The following HIRA variants were observed in gnomAD, a reference collection of about 807,000 sequenced individuals.
HIRA encodes protein HIRA.
HIRA carries 13 observed loss-of-function variants against 126.6 expected under a neutral mutation model. The observed-to-expected ratio is 0.10, with a 90% CI of 0.07 to 0.16. The LOEUF (loss-of-function observed/expected upper bound fraction) is 0.16, where lower values mean the gene tolerates loss of function less well. HIRA is among the 10% of genes least tolerant of loss of function. The pLI, the probability that HIRA is intolerant of heterozygous loss-of-function variation, is 1.00. For synonymous variants in HIRA, 511 were observed against 520.0 expected, an observed-to-expected ratio of 0.98 and a Z score of 0.24; for missense variants, 834 against 1,314.4, an observed-to-expected ratio of 0.63 and a Z score of 5.65.
intron 1 of HIRA, among the ~76,000 whole-genome samples, chr22:19,411,138 G>A (rs1336922617): frequency 3.9e-5 from 6 of 152,224 alleles, no homozygotes; most frequent in Non-Finnish European, 8.8e-5. Context: ...ACTGCTATTT[G>A]TCTTTTCTGG....
At chr22:19,354,540 C>A (rs1475534740) in intron 21 of HIRA, among the ~76,000 whole-genome samples, 2 of 152,254 alleles carry the variant, frequency 1.3e-5, no homozygotes, top group African/African-American at 4.8e-5. Context: ...ATTTCTACAA[C>A]TATCCCAGAC....
intron 13 of HIRA, among the ~76,000 whole-genome samples, chr22:19,378,949 A>G (rs973241995): frequency 3.3e-5 from 5 of 152,230 alleles, no homozygotes; most frequent in African/African-American, 1.2e-4. Context: ...TAACACTTTT[A>G]TCAAATTTCT....
intron 19 of HIRA, 110 bp from the exon 20 acceptor site, chr22:19,356,398 C>A (rs1238919181): frequency 3.4e-6 from 3 of 882,822 alleles, no homozygotes; most frequent in Non-Finnish European, 5.6e-6. Flanking sequence ...TAACCCTGGC[C>A]TCTCCTAGTG....
intron 24 of HIRA, among the ~76,000 whole-genome samples, chr22:19,335,960 G>A (rs1381720536): frequency 1.3e-5 from 2 of 152,106 alleles, no homozygotes; most frequent in Non-Finnish European, 2.9e-5. Flanking sequence ...CTTTCTCATC[G>A]TTTGTCCAGG....
At chr22:19,354,531 T>C (rs2146190803) in intron 21 of HIRA, among the ~76,000 whole-genome samples, 1 of 152,342 alleles carries the variant, frequency 6.6e-6, no homozygotes, top group African/African-American at 2.4e-5. Flanking sequence ...CCTGCCTGTA[T>C]TTCTACAACT....
chr22:19,334,058 T>C (rs552365113), intron 24 of HIRA, among the ~76,000 whole-genome samples: 90 of 151,748 alleles, frequency 5.9e-4, no homozygotes, highest in Admixed American at 3.6e-3. Flanking sequence ...CACTGCAAGC[T>C]CCGCCTCCTG....
At chr22:19,334,100 G>C (rs1163822785) in intron 24 of HIRA, among the ~76,000 whole-genome samples, 1 of 151,264 alleles carries the variant, frequency 6.6e-6, no homozygotes, top group Admixed American at 6.6e-5. Context: ...TCAGCCTCCC[G>C]AGTAGCTGGG....
rs946502713 is a variant in HIRA at position 19,387,644 on chromosome 22, G to A, written c.1113+67C>T. ...CTCACAAGAAGAGGGTGTAGTCAAAGGGGTCTCTCAGAGCTATTGTGGCAA... is the reference window on the plus strand; with the variant it reads ...CTCACAAGAAGAGGGTGTAGTCAAAAGGGTCTCTCAGAGCTATTGTGGCAA... On this transcript the variant is annotated intron_variant, in intron 11 of 24. Transcript: ENST00000263208. 4 of 1,141,202 alleles carry A rather than the reference G, an allele frequency of 3.5e-6. No homozygotes were observed. The Admixed American group carries it at 5.5e-5, about 16-fold the overall frequency. The allele number at this position is 1,141,202 out of a possible 1,614,324, so 70.7% of individuals were successfully genotyped here.
rs1212577470 is a variant in HIRA at position 19,418,353 on chromosome 22, G to A, written c.38-7575C>T. Among the ~76,000 whole-genome samples the A allele has an allele frequency of 3.3e-5, 5 of 152,046 alleles. No homozygotes were observed. In the East Asian group the frequency reaches 7.7e-4, roughly 23 times the overall value. On this transcript the variant is annotated intron_variant, in intron 1 of 24. Coordinates refer to ENST00000263208, the MANE Select transcript of HIRA (RefSeq NM_003325.4). The stretch of plus-strand genomic sequence containing the variant: ...ATTATAAAAATTGTTGGCGGGGTGC[G>A]GTGGCTCACACCTGTAATCCCAACA...
At chr22:19,387,902 G>T in intron 10 of HIRA, 86 bp from the exon 11 acceptor site, 1 of 895,636 alleles carries the variant, frequency 1.1e-6, no homozygotes. Flanking sequence ...AGGATGGTGG[G>T]CAGTGTTCTA....
At chr22:19,353,697 G>A (rs1009925233) in intron 22 of HIRA, among the ~76,000 whole-genome samples, 178 bp from the exon 23 acceptor site, 3 of 152,184 alleles carry the variant, frequency 2.0e-5, no homozygotes, top group Non-Finnish European at 2.9e-5. Context: ...CCATCCCCAC[G>A]CCCCAGCCAT....
intron 8 of HIRA, among the ~76,000 whole-genome samples, chr22:19,393,048 G>T (rs983567365): frequency 1.3e-5 from 2 of 152,152 alleles, no homozygotes; most frequent in African/African-American, 4.8e-5. Flanking sequence ...GACTGGAGAA[G>T]ATGGAACTCA....
intron 1 of HIRA, among the ~76,000 whole-genome samples, chr22:19,424,993 A>G (rs1055421445): frequency 6.6e-6 from 1 of 152,158 alleles, no homozygotes; most frequent in Non-Finnish European, 1.5e-5. Context: ...TAGCCTGTCA[A>G]GCATCTCCTC....
At chr22:19,385,824 C>T in intron 11 of HIRA, 88 bp from the exon 12 acceptor site, 1 of 1,287,658 alleles carries the variant, frequency 7.8e-7, no homozygotes, top group South Asian at 1.3e-5. Context: ...CAGCAGGGCT[C>T]TCCTGGCTCT....
At position 19,351,585 on chromosome 22, in the gene HIRA, C is replaced by A; in HGVS notation, c.2849-139G>T. ...AAACACATGCGTATTTTATTGCCTA[C>A]TATGGGCAAGACGCCCCTGCATGTC... is the stretch of plus-strand genomic sequence containing the variant. On this transcript the variant is annotated intron_variant, in intron 23 of 24. Coordinates refer to ENST00000263208, the MANE Select transcript of HIRA (RefSeq NM_003325.4). The surrounding 1 kb of genome is among the most constrained non-coding windows in gnomAD (Gnocchi z 4.8). 2 of 687,298 alleles carry A rather than the reference C, an allele frequency of 2.9e-6. No individual in the cohort carries two copies. The highest frequency in any genetic ancestry group is 5.4e-5 in the Admixed American group (2 of 37,340). 42.6% of individuals were successfully genotyped at this position (687,298 alleles called of 1,614,324 possible).
intron 8 of HIRA, among the ~76,000 whole-genome samples, chr22:19,393,025 C>CG (rs2089194872): frequency 6.6e-6 from 1 of 152,044 alleles, no homozygotes; most frequent in Non-Finnish European, 1.5e-5. Flanking sequence ...CAGGAATGGC[C>CG]GGGGTGCACA....
chr22:19,413,657 G>A (rs763742767), intron 1 of HIRA, among the ~76,000 whole-genome samples: 9 of 151,400 alleles, frequency 5.9e-5, no homozygotes, highest in South Asian at 2.1e-4. Flanking sequence ...TGTCGCCCAG[G>A]CTAGAGTGCA....
chr22:19,354,633 T>C (rs1556011936), intron 21 of HIRA, among the ~76,000 whole-genome samples: 1 of 152,254 alleles, frequency 6.6e-6, no homozygotes, highest in Non-Finnish European at 1.5e-5. Context: ...CTAGATGTCT[T>C]TGTAAATGTG....
chr22:19,353,476 C>A lies in HIRA; in HGVS notation c.2728G>T (p.Val910Leu). The change falls in exon 23 of 25, where the codon GTG (valine) becomes TTG (leucine). Residue 910 changes from valine (V) to leucine (L), a missense_variant. Coordinates refer to ENST00000263208, the MANE Select transcript of HIRA (RefSeq NM_003325.4). ...AARLFSVPHV[V>L]QQETTLAYLE... ...TAGGCCAGGGTGGTCTCTTGCTGCACCACATGAGGCACGGAGAAGAGCCGG... is the reference window on the plus strand; with the variant it reads ...TAGGCCAGGGTGGTCTCTTGCTGCAACACATGAGGCACGGAGAAGAGCCGG... 2.5e-6 allele frequency: 4 copies of A among 1,612,586 alleles called. No individual in the cohort carries two copies. Among genetic ancestry groups the A allele is most frequent in the Non-Finnish European group, 3.4e-6 (4 of 1,179,770 alleles).
Sources: allele counts gnomAD v4.1 joint callset (sites outside exome capture counted in the v4.1 genomes callset), GRCh38; gene constraint gnomAD v4.1.1; non-coding constraint Gnocchi (gnomAD v3.1); transcripts MANE v1.5; gene names NCBI Gene and HGNC (gene_info 2026-07-23, HGNC 2026-07-21).